The following EML4 variants were observed in gnomAD, a reference collection of about 807,000 sequenced individuals.
EML4 encodes echinoderm microtubule-associated protein-like 4.
In EML4, 72 loss-of-function variants were observed where a neutral mutation model predicts 129.0. That is an observed-to-expected ratio of 0.56 (90% CI 0.46 to 0.68). The LOEUF (loss-of-function observed/expected upper bound fraction) is 0.68. EML4 is among the 30% of genes least tolerant of loss of function. The pLI is 0.00. For synonymous variants in EML4, 532 were observed against 405.0 expected (o/e 1.31, Z -3.77); for missense variants, 1,363 against 1,190.6 (o/e 1.14, Z -2.13).
At chr2:42,317,332 G>A in intron 18 of EML4, 95 bp from the exon 19 acceptor site, 1 of 794,676 alleles carries the variant, frequency 1.3e-6, no homozygotes, top group East Asian at 2.6e-5. Flanking sequence ...TAGTTAAATT[G>A]ATGAGATTTA....
At chr2:42,222,471 C>T (rs911728110) in intron 1 of EML4, among the ~76,000 whole-genome samples, 3 of 152,106 alleles carry the variant, frequency 2.0e-5, no homozygotes, top group Non-Finnish European at 4.4e-5. Context: ...GGAACATAGC[C>T]ATACACATTT....
At chr2:42,191,865 C>T (rs868078021) in intron 1 of EML4, among the ~76,000 whole-genome samples, 1 of 151,858 alleles carries the variant, frequency 6.6e-6, no homozygotes, top group African/African-American at 2.4e-5. Flanking sequence ...GAAACCTGGC[C>T]GGGCACGGTG....
chr2:42,298,006 C>T (rs1668055566), intron 13 of EML4, among the ~76,000 whole-genome samples: 1 of 152,028 alleles, frequency 6.6e-6, no homozygotes, highest in Non-Finnish European at 1.5e-5. Flanking sequence ...TTATTTATTT[C>T]CTACACATAT....
intron 1 of EML4, among the ~76,000 whole-genome samples, chr2:42,176,681 C>T (rs1056755324): frequency 1.3e-5 from 2 of 152,240 alleles, no homozygotes; most frequent in African/African-American, 4.8e-5. Context: ...TAGGACCACT[C>T]TTGGGGTACT....
At chr2:42,231,948 C>CAAAA (rs556284848) in intron 1 of EML4, among the ~76,000 whole-genome samples, 11 of 139,348 alleles carry the variant, frequency 7.9e-5, no homozygotes, top group African/African-American at 2.8e-4. Context: ...GACTCCGTCT[C>CAAAA]AAAAAAAAAA....
intron 19 of EML4, among the ~76,000 whole-genome samples, chr2:42,320,339 A>AG (rs1669456104): frequency 6.6e-6 from 1 of 151,954 alleles, no homozygotes; most frequent in Non-Finnish European, 1.5e-5. Flanking sequence ...AAAAAAAAAA[A>AG]AAAAGCTGTG....
intron 20 of EML4, 78 bp downstream of exon 20, chr2:42,325,632 A>AC: frequency 6.8e-6 from 1 of 147,640 alleles, no homozygotes; most frequent in Non-Finnish European, 1.2e-5. Flanking sequence ...ATATATATAT[A>AC]TATATATGCT....
At position 42,316,049 on chromosome 2, in the gene EML4, A is replaced by G. The variant is rs1429296800; in HGVS notation, c.2055A>G (p.Ile685Met). ...NEQLSVMRYS[I>M]DGTFLAVGSH... is the part of the protein sequence containing the mutation. The stretch of plus-strand genomic sequence containing the variant: ...AGCTCTCTGTGATGCGCTACTCAAT[A>G]GGTAGGCAAATTTACTCCCACCTCC... The change falls in exon 18 of 23, where the codon ATA becomes ATG. Residue 685 changes from isoleucine to methionine, a missense_variant and splice_region_variant. Coordinates refer to ENST00000318522, the MANE Select transcript of EML4 (RefSeq NM_019063.5). 13 of 1,610,280 alleles carry G rather than the reference A, an allele frequency of 8.1e-6. No homozygotes were observed. In the South Asian group the frequency reaches 1.3e-4, roughly 16 times the overall value.
chr2:42,172,816 A>T (rs902457282), intron 1 of EML4, among the ~76,000 whole-genome samples: 2 of 152,104 alleles, frequency 1.3e-5, no homozygotes, highest in African/African-American at 4.8e-5. Context: ...GCTTTTACCG[A>T]TTTTTTATAA....
At chr2:42,193,162 A>T (rs10173107) in intron 1 of EML4, among the ~76,000 whole-genome samples, 18,093 of 152,196 alleles carry the variant, frequency 0.12, 1,097 homozygotes, top group East Asian at 0.18. Context: ...TTGTGTTACC[A>T]TTGCCTACAG....
intron 19 of EML4, among the ~76,000 whole-genome samples, chr2:42,318,693 A>AT (rs11386473): frequency 0.63 from 95,645 of 151,604 alleles, 31,341 homozygotes; most frequent in African/African-American, 0.8. Context: ...CAGACCCCCA[A>AT]TTTTTTTTGT....
At chr2:42,274,205 T>G (rs775906863) in intron 6 of EML4, among the ~76,000 whole-genome samples, 5 of 152,186 alleles carry the variant, frequency 3.3e-5, no homozygotes, top group Admixed American at 3.3e-4. Flanking sequence ...CTCCTACCTT[T>G]CAGTTAAATA....
intron 3 of EML4, among the ~76,000 whole-genome samples, chr2:42,257,104 T>TGG (rs898372664): frequency 6.6e-6 from 1 of 151,966 alleles, no homozygotes; most frequent in Non-Finnish European, 1.5e-5. Flanking sequence ...TAGTACTATC[T>TGG]GGGGTGTGTG....
At chr2:42,258,291 T>C (rs1477705840) in intron 3 of EML4, among the ~76,000 whole-genome samples, 2 of 152,152 alleles carry the variant, frequency 1.3e-5, no homozygotes, top group Admixed American at 6.5e-5. Context: ...TTTTTTGTTT[T>C]TGTTTTTGAG....
At chr2:42,210,312 A>G (rs1183057714) in intron 1 of EML4, among the ~76,000 whole-genome samples, 2 of 152,088 alleles carry the variant, frequency 1.3e-5, no homozygotes, top group Admixed American at 6.6e-5. Flanking sequence ...TATCAGATAT[A>G]TTGTAGAATG....
chr2:42,193,863 T>TA (rs1671744339), intron 1 of EML4, among the ~76,000 whole-genome samples: 1 of 152,028 alleles, frequency 6.6e-6, no homozygotes, highest in African/African-American at 2.4e-5. Flanking sequence ...TATCTTTATG[T>TA]TTTGTAGAGA....
At chr2:42,292,601 A>C (rs1667710108) in intron 11 of EML4, among the ~76,000 whole-genome samples, 1 of 152,242 alleles carries the variant, frequency 6.6e-6, no homozygotes, top group South Asian at 2.1e-4. Context: ...TGATGGTTAA[A>C]TAGAGGAAGG....
chr2:42,195,013 GTATTA>G (rs1263486271), intron 1 of EML4, among the ~76,000 whole-genome samples: 1 of 152,152 alleles, frequency 6.6e-6, no homozygotes, highest in East Asian at 1.9e-4. Flanking sequence ...CAGGTAATCA[GTATTA>G]TATTATAAAA....
At chr2:42,206,502 C>G (rs1224503288) in intron 1 of EML4, among the ~76,000 whole-genome samples, 3 of 152,202 alleles carry the variant, frequency 2.0e-5, no homozygotes, top group African/African-American at 7.2e-5. Context: ...GACGTGGGCA[C>G]TGCACCCAGC....
Sources: allele counts gnomAD v4.1 joint callset (sites outside exome capture counted in the v4.1 genomes callset), GRCh38; gene constraint gnomAD v4.1.1; transcripts MANE v1.5; gene names NCBI Gene and HGNC (gene_info 2026-07-23, HGNC 2026-07-21).